The following DCC variants were observed in gnomAD, a reference collection of about 807,000 sequenced individuals.
DCC encodes the protein DCC netrin 1 receptor, also known as netrin receptor DCC.
DCC carries 58 observed loss-of-function variants against 172.5 expected under a neutral mutation model. The observed-to-expected ratio is 0.34, with a 90% CI of 0.27 to 0.42. DCC has a LOEUF of 0.42. Ranked by LOEUF, DCC falls within the 10% of genes least tolerant of loss-of-function variation. DCC has a pLI of 1.00. For missense variants in DCC, 1,740 were observed against 1,791.0 expected, an observed-to-expected ratio of 0.97 and a Z score of 0.51; for synonymous variants, 709 against 644.5, an observed-to-expected ratio of 1.10 and a Z score of -1.52.
intron 1 of DCC, among the ~76,000 whole-genome samples, chr18:52,698,820 A>G (rs2036056074): frequency 7.1e-6 from 1 of 141,334 alleles, no homozygotes; most frequent in African/African-American, 2.6e-5. Flanking sequence ...TATGTTGGCC[A>G]GGCTAGTCTC....
intron 3 of DCC, among the ~76,000 whole-genome samples, chr18:52,920,018 T>TAAAA (rs1171470837): frequency 2.7e-5 from 1 of 37,060 alleles, no homozygotes; most frequent in Non-Finnish European, 5.8e-5. Context: ...AATGTCCATA[T>TAAAA]ACAAAAAAAA....
At chr18:53,131,340 A>G (rs2043648049) in intron 7 of DCC, among the ~76,000 whole-genome samples, 2 of 152,168 alleles carry the variant, frequency 1.3e-5, no homozygotes, top group Admixed American at 6.6e-5. Flanking sequence ...ACTTCTGGAG[A>G]AGAATATTCA....
intron 1 of DCC, among the ~76,000 whole-genome samples, chr18:52,626,359 G>A (rs2034573566): frequency 6.6e-6 from 1 of 152,016 alleles, no homozygotes; most frequent in East Asian, 1.9e-4. Flanking sequence ...TAGATCTCCA[G>A]TCTAACTTTC....
At chr18:52,533,650 T>A (rs1702641722) in intron 1 of DCC, among the ~76,000 whole-genome samples, 1 of 152,164 alleles carries the variant, frequency 6.6e-6, no homozygotes, top group Non-Finnish European at 1.5e-5. Context: ...CTGAACGACA[T>A]CTGGATGATT....
At chr18:53,171,039 C>T (rs2055006308) in intron 8 of DCC, among the ~76,000 whole-genome samples, 1 of 152,102 alleles carries the variant, frequency 6.6e-6, no homozygotes, top group African/African-American at 2.4e-5. Context: ...CTCATGCCAC[C>T]ATGCCCGGCT....
intron 13 of DCC, among the ~76,000 whole-genome samples, chr18:53,311,322 C>T (rs745644577): frequency 2.0e-5 from 3 of 152,030 alleles, no homozygotes; most frequent in Non-Finnish European, 2.9e-5. Flanking sequence ...GAGGTTTCGC[C>T]ATTTTGGCCA....
intron 1 of DCC, among the ~76,000 whole-genome samples, chr18:52,710,103 A>T (rs1279948776): frequency 1.3e-5 from 2 of 152,254 alleles, no homozygotes; most frequent in Non-Finnish European, 2.9e-5. Flanking sequence ...CTCTAAGGAC[A>T]TCATTAGAGA....
intron 5 of DCC, among the ~76,000 whole-genome samples, chr18:52,980,898 A>T (rs1224041576): frequency 6.6e-6 from 1 of 152,008 alleles, no homozygotes; most frequent in Non-Finnish European, 1.5e-5. Context: ...TTTTTCATTA[A>T]TAAGTCACAA....
chr18:53,256,644 A>G (rs1450609777), intron 12 of DCC, among the ~76,000 whole-genome samples: 4 of 152,148 alleles, frequency 2.6e-5, no homozygotes, highest in Admixed American at 6.6e-5. Context: ...GTCAGGTAGC[A>G]TGATGCCTCC....
At chr18:52,361,792 C>T (rs965842667) in intron 1 of DCC, among the ~76,000 whole-genome samples, 7 of 152,314 alleles carry the variant, frequency 4.6e-5, no homozygotes, top group Non-Finnish European at 8.8e-5. Flanking sequence ...ACTCAAATTG[C>T]TACCATATTC....
intron 5 of DCC, among the ~76,000 whole-genome samples, chr18:53,060,930 A>C (rs373683506): frequency 6.6e-6 from 1 of 152,174 alleles, no homozygotes; most frequent in African/African-American, 2.4e-5. Flanking sequence ...AGAATAAGGA[A>C]ATAACAAAAT....
intron 2 of DCC, among the ~76,000 whole-genome samples, chr18:52,819,921 C>G (rs945504841): frequency 6.6e-6 from 1 of 151,972 alleles, no homozygotes; most frequent in African/African-American, 2.4e-5. Flanking sequence ...GGGGTTTCAC[C>G]GTATTAGCCA....
At chr18:52,817,349 C>T (rs2038318718) in intron 2 of DCC, among the ~76,000 whole-genome samples, 1 of 151,928 alleles carries the variant, frequency 6.6e-6, no homozygotes, top group South Asian at 2.1e-4. Flanking sequence ...TCAATAGCAT[C>T]GAAATTTTAT....
intron 2 of DCC, among the ~76,000 whole-genome samples, chr18:52,778,429 C>T (rs1459376758): frequency 6.6e-6 from 1 of 152,136 alleles, no homozygotes; most frequent in African/African-American, 2.4e-5. Context: ...GAACCGTTAA[C>T]ATTTTTTTCC....
chr18:52,450,004 C>T (rs570163494), intron 1 of DCC, among the ~76,000 whole-genome samples: 1 of 152,158 alleles, frequency 6.6e-6, no homozygotes, highest in Non-Finnish European at 1.5e-5. Context: ...CTAATACATA[C>T]TCTGATATTA....
intron 21 of DCC, among the ~76,000 whole-genome samples, chr18:53,424,050 T>C (rs1458392807): frequency 2.0e-5 from 3 of 152,212 alleles, no homozygotes; most frequent in African/African-American, 7.2e-5. Flanking sequence ...TATTCAATAA[T>C]CACCTACTAA....
intron 3 of DCC, among the ~76,000 whole-genome samples, chr18:52,907,201 C>A: frequency 7.4e-6 from 1 of 134,302 alleles, no homozygotes; most frequent in Non-Finnish European, 1.6e-5. Context: ...ATATATATAC[C>A]CTATATACAT....
At chr18:53,112,897 T>C (rs567217102) in intron 7 of DCC, among the ~76,000 whole-genome samples, 2 of 151,684 alleles carry the variant, frequency 1.3e-5, no homozygotes, top group African/African-American at 4.8e-5. Flanking sequence ...TTAGTACTTA[T>C]AAGCCTTTTT....
intron 1 of DCC, among the ~76,000 whole-genome samples, chr18:52,586,096 A>C (rs1205709088): frequency 2.0e-5 from 3 of 151,152 alleles, no homozygotes; most frequent in Non-Finnish European, 3.0e-5. Flanking sequence ...AAAAAAAAAA[A>C]AAAAAAAAAA....
Sources: allele counts gnomAD v4.1 joint callset (sites outside exome capture counted in the v4.1 genomes callset), GRCh38; gene constraint gnomAD v4.1.1; transcripts MANE v1.5; gene names NCBI Gene and HGNC (gene_info 2026-07-23, HGNC 2026-07-21).